The following ASIC2 variants were observed in gnomAD, a reference collection of about 807,000 sequenced individuals.
ASIC2 encodes the protein acid-sensing ion channel 2.
Under a neutral mutation model 57.3 loss-of-function variants are expected in ASIC2, and 25 were observed. The ratio of observed to expected loss-of-function variants is 0.44; its 90% CI spans 0.32 to 0.61. The LOEUF (loss-of-function observed/expected upper bound fraction) is 0.61, where lower values mean the gene tolerates loss of function less well. Ranked by LOEUF, ASIC2 falls within the 20% of genes least tolerant of loss-of-function variation. The probability of loss-of-function intolerance (pLI) is 0.06; values close to 1 mark genes in which losing one functional copy is unlikely to be tolerated. For synonymous variants in ASIC2, 319 were observed against 307.5 expected, an observed-to-expected ratio of 1.04 and a Z score of -0.39; for missense variants, 641 against 738.1, an observed-to-expected ratio of 0.87 and a Z score of 1.52.
intron 1 of ASIC2, among the ~76,000 whole-genome samples, chr17:33,273,060 T>C (rs1904569832): frequency 6.6e-6 from 1 of 152,224 alleles, no homozygotes; most frequent in Non-Finnish European, 1.5e-5. Flanking sequence ...CCCGAGTTTG[T>C]ACATTTTCAT....
At chr17:33,562,412 G>C (rs546628642) in intron 1 of ASIC2, among the ~76,000 whole-genome samples, 1 of 152,210 alleles carries the variant, frequency 6.6e-6, no homozygotes, top group Admixed American at 6.5e-5. Flanking sequence ...TTTCTTATGT[G>C]CTTTCAAATT....
intron 1 of ASIC2, among the ~76,000 whole-genome samples, chr17:33,705,112 G>A (rs541604373): frequency 6.6e-6 from 1 of 152,256 alleles, no homozygotes; most frequent in East Asian, 1.9e-4. Flanking sequence ...CTCAAATGTA[G>A]ATTAGCCAAA....
intron 1 of ASIC2, among the ~76,000 whole-genome samples, chr17:33,682,925 C>T (rs1275747479): frequency 1.3e-5 from 2 of 152,224 alleles, no homozygotes; most frequent in African/African-American, 2.4e-5. Flanking sequence ...CCCACAGCTC[C>T]CATCCATTGC....
At chr17:33,665,551 C>T (rs948467921) in intron 1 of ASIC2, among the ~76,000 whole-genome samples, 2 of 152,178 alleles carry the variant, frequency 1.3e-5, no homozygotes, top group Admixed American at 6.5e-5. Context: ...GACAAGGTTT[C>T]AATGCAAAGC....
intron 1 of ASIC2, among the ~76,000 whole-genome samples, chr17:33,930,385 T>G (rs1352027369): frequency 6.6e-6 from 1 of 152,220 alleles, no homozygotes; most frequent in African/African-American, 2.4e-5. Context: ...AGCTTGTTCT[T>G]ATTCCATACT....
rs186402662 is a variant in ASIC2, at chr17:33,134,729, G to A, written c.709-22662C>T. 5.4e-3 allele frequency among the ~76,000 whole-genome samples: 820 copies of A among 152,336 alleles called. 4 individuals are homozygous for A. The highest frequency in any genetic ancestry group is 0.019 in the African/African-American group (779 of 41,578). On this transcript the variant is annotated intron_variant, in intron 1 of 9. Coordinates refer to ENST00000225823, the MANE Select transcript of ASIC2 (RefSeq NM_183377.2). The stretch of plus-strand genomic sequence containing the variant: ...CCTGGGTTGTCCCCGGGCTGGCCTT[G>A]CTCTCCCACTTGGCTGGGGAGGGCT...
chr17:33,739,208 CTG>C (rs1910020649), intron 1 of ASIC2, among the ~76,000 whole-genome samples: 1 of 152,224 alleles, frequency 6.6e-6, no homozygotes, highest in Admixed American at 6.5e-5. Context: ...AGATTGAAAT[CTG>C]TGTCAGGCAA....
At chr17:33,397,431 A>C (rs1567847918) in intron 1 of ASIC2, among the ~76,000 whole-genome samples, 1 of 152,214 alleles carries the variant, frequency 6.6e-6, no homozygotes, top group Non-Finnish European at 1.5e-5. Context: ...TGTAACTAGC[A>C]GGGGACCTTA....
At chr17:33,727,815 CAG>C (rs1218630823) in intron 1 of ASIC2, among the ~76,000 whole-genome samples, 3 of 152,162 alleles carry the variant, frequency 2.0e-5, no homozygotes, top group Non-Finnish European at 2.9e-5. Flanking sequence ...GGCTAATTGA[CAG>C]GGGCTTTCTC....
intron 1 of ASIC2, among the ~76,000 whole-genome samples, chr17:33,554,650 A>G (rs968084420): frequency 1.5e-4 from 23 of 152,112 alleles, no homozygotes; most frequent in African/African-American, 5.3e-4. Flanking sequence ...TTTTTGAGGA[A>G]GAAGTTGACA....
At chr17:34,069,212 C>A (rs1055671892) in intron 1 of ASIC2, 6 of 111,134 alleles carry the variant, frequency 5.4e-5, no homozygotes, top group African/African-American at 1.7e-4. Flanking sequence ...CTCCCTCCCT[C>A]TCTTCCTTTC....
At chr17:33,461,916 G>C (rs140984366) in intron 1 of ASIC2, among the ~76,000 whole-genome samples, 3 of 152,150 alleles carry the variant, frequency 2.0e-5, no homozygotes, top group African/African-American at 7.2e-5. Context: ...TGATCCATCC[G>C]CCTAGCCATT....
chr17:33,442,758 G>A (rs990345682), intron 1 of ASIC2, among the ~76,000 whole-genome samples: 4 of 151,700 alleles, frequency 2.6e-5, no homozygotes, highest in African/African-American at 4.8e-5. Context: ...TCCTATCTGT[G>A]CACTGCTAAT....
chr17:33,628,712 C>A (rs893626982), intron 1 of ASIC2, among the ~76,000 whole-genome samples: 6 of 152,150 alleles, frequency 3.9e-5, no homozygotes, highest in African/African-American at 1.4e-4. Flanking sequence ...TAAGCACTGT[C>A]AACACTCTTC....
intron 1 of ASIC2, among the ~76,000 whole-genome samples, chr17:33,467,539 G>A (rs1245136148): frequency 6.6e-6 from 1 of 152,116 alleles, no homozygotes; most frequent in Admixed American, 6.5e-5. Flanking sequence ...ATTATTGCTA[G>A]AACAGACTCT....
At chr17:33,580,912 G>A (rs1185385462) in intron 1 of ASIC2, among the ~76,000 whole-genome samples, 1 of 152,180 alleles carries the variant, frequency 6.6e-6, no homozygotes, top group Non-Finnish European at 1.5e-5. Context: ...CCACGGTCAT[G>A]TAGATACCAC....
chr17:34,088,123 TTA>T (rs1910179914), intron 1 of ASIC2, among the ~76,000 whole-genome samples: 1 of 152,238 alleles, frequency 6.6e-6, no homozygotes, highest in Non-Finnish European at 1.5e-5. Flanking sequence ...GCTCTGATTT[TTA>T]GAGTTTCCAG....
At chr17:33,839,292 C>G (rs1419954629) in intron 1 of ASIC2, among the ~76,000 whole-genome samples, 1 of 152,226 alleles carries the variant, frequency 6.6e-6, no homozygotes, top group East Asian at 1.9e-4. Flanking sequence ...ACTAGCACAA[C>G]AGGTGGGTAC....
intron 1 of ASIC2, among the ~76,000 whole-genome samples, chr17:33,578,372 G>T (rs189764296): frequency 6.6e-6 from 1 of 152,048 alleles, no homozygotes. Flanking sequence ...TTATTTATAG[G>T]ACACGTTAAA....
Sources: gnomAD v4.1 joint callset for allele counts (sites outside exome capture counted in the v4.1 genomes callset) on GRCh38, gnomAD v4.1.1 for gene constraint, MANE v1.5 for transcripts, NCBI Gene and HGNC (gene_info 2026-07-23, HGNC 2026-07-21) for gene names.